The following FRMD3 variants were observed in gnomAD, a reference collection of about 807,000 sequenced individuals.
FRMD3 encodes FERM domain-containing protein 3.
In FRMD3, 33 loss-of-function variants were observed where a neutral mutation model predicts 70.2. That is an observed-to-expected ratio of 0.47 (90% CI 0.36 to 0.63). The LOEUF is 0.63. FRMD3 is among the 20% of genes least tolerant of loss of function. The pLI is 0.00. For missense variants in FRMD3, 632 were observed against 711.4 expected, an observed-to-expected ratio of 0.89 and a Z score of 1.27; for synonymous variants, 279 against 255.9, an observed-to-expected ratio of 1.09 and a Z score of -0.86.
chr9:83,310,771 T>A (rs1203847156), intron 8 of FRMD3, among the ~76,000 whole-genome samples: 1 of 152,230 alleles, frequency 6.6e-6, no homozygotes, highest in African/African-American at 2.4e-5. Context: ...ATTTATTCTA[T>A]TATTTACAGT....
intron 1 of FRMD3, among the ~76,000 whole-genome samples, chr9:83,460,766 T>C (rs1827946963): frequency 6.6e-6 from 1 of 152,072 alleles, no homozygotes; most frequent in Non-Finnish European, 1.5e-5. Flanking sequence ...CCTTCATGGG[T>C]AACTTTATTA....
chr9:83,499,184 G>A (rs180771566), intron 1 of FRMD3, among the ~76,000 whole-genome samples: 3 of 152,292 alleles, frequency 2.0e-5, no homozygotes, highest in Non-Finnish European at 4.4e-5. Flanking sequence ...TCTGGGTGCA[G>A]TACTGTCCAA....
intron 1 of FRMD3, among the ~76,000 whole-genome samples, chr9:83,404,577 G>C (rs1436664473): frequency 6.6e-6 from 1 of 152,032 alleles, no homozygotes; most frequent in Admixed American, 6.6e-5. Context: ...CCCTCTCAGG[G>C]ATGCACTCGT....
chr9:83,407,758 G>A (rs1475351096), intron 1 of FRMD3, among the ~76,000 whole-genome samples: 1 of 151,952 alleles, frequency 6.6e-6, no homozygotes, highest in African/African-American at 2.4e-5. Flanking sequence ...GGAGTCTGAT[G>A]TGGAAGCAAC....
the FRMD3 span, among the ~76,000 whole-genome samples, chr9:83,561,258 T>C: frequency 6.6e-6 from 1 of 152,232 alleles, no homozygotes; most frequent in Non-Finnish European, 1.5e-5. Flanking sequence ...CAAATTCAGC[T>C]TTAAAAGCTT....
At chr9:83,361,092 A>G (rs367967865) in intron 3 of FRMD3, among the ~76,000 whole-genome samples, 4 of 152,262 alleles carry the variant, frequency 2.6e-5, no homozygotes, top group African/African-American at 9.6e-5. Flanking sequence ...CAAAAATCAT[A>G]GCTGCTCTTC....
Position 83,501,877 on chromosome 9 carries a change from T to C in FRMD3, c.147+36208A>G, listed in dbSNP as rs576710473. Among the ~76,000 whole-genome samples, 3 of 152,326 alleles carry C rather than the reference T, an allele frequency of 2.0e-5. No individual in the cohort carries two copies. In the South Asian group the frequency reaches 6.2e-4, roughly 32 times the overall value. ...GTAGAGAGGGAAAAGGAAAGCCAAC[T>C]CTACGTTTAATATCCTCTTTTCTCT... On this transcript the variant is annotated intron_variant, in intron 1 of 13. Transcript: ENST00000304195.
chr9:83,471,617 T>C (rs1828271603), intron 1 of FRMD3, among the ~76,000 whole-genome samples: 2 of 152,140 alleles, frequency 1.3e-5, no homozygotes, highest in African/African-American at 4.8e-5. Context: ...CAGGGACTCA[T>C]CCTCTCCCTG....
chr9:83,481,117 T>C (rs1308633940), intron 1 of FRMD3, among the ~76,000 whole-genome samples: 1 of 152,210 alleles, frequency 6.6e-6, no homozygotes, highest in Non-Finnish European at 1.5e-5. Flanking sequence ...GATGGTACCC[T>C]GGTAGAAGGA....
chr9:83,431,638 T>C (rs1826979704), intron 1 of FRMD3, among the ~76,000 whole-genome samples: 1 of 152,188 alleles, frequency 6.6e-6, no homozygotes, highest in Non-Finnish European at 1.5e-5. Context: ...AGTATCAGCT[T>C]TTGCTGAAGG....
chr9:83,578,146 G>C, the FRMD3 span, among the ~76,000 whole-genome samples: 1 of 151,536 alleles, frequency 6.6e-6, no homozygotes, highest in Admixed American at 6.6e-5. Context: ...AAAAAAATCT[G>C]AACAGACCAA....
At chr9:83,286,073 C>T (rs1834196779) in intron 13 of FRMD3, among the ~76,000 whole-genome samples, 1 of 152,172 alleles carries the variant, frequency 6.6e-6, no homozygotes, top group Non-Finnish European at 1.5e-5. Flanking sequence ...CACGTTTTCC[C>T]AGAACACCAC....
intron 1 of FRMD3, among the ~76,000 whole-genome samples, chr9:83,403,384 C>T (rs912343187): frequency 1.3e-5 from 2 of 152,114 alleles, no homozygotes; most frequent in African/African-American, 4.8e-5. Context: ...CAGAAGGTGG[C>T]TCGAACACGC....
chr9:83,576,782 C>T, the FRMD3 span, among the ~76,000 whole-genome samples: 3 of 152,010 alleles, frequency 2.0e-5, no homozygotes, highest in Non-Finnish European at 4.4e-5. Context: ...TAATAAAGGG[C>T]ACCCAGATTG....
chr9:83,371,939 C>T (rs1556150), intron 3 of FRMD3, among the ~76,000 whole-genome samples: 4 of 151,910 alleles, frequency 2.6e-5, no homozygotes, highest in Admixed American at 2.0e-4. Flanking sequence ...GCTAGTTTGT[C>T]GTCCATGTTC....
At chr9:83,282,218 G>C (rs1042107768) in intron 13 of FRMD3, among the ~76,000 whole-genome samples, 1 of 152,206 alleles carries the variant, frequency 6.6e-6, no homozygotes, top group Non-Finnish European at 1.5e-5. Flanking sequence ...TGCTAGATCA[G>C]AGGCCAGCAA....
chr9:83,243,121 C>A, downstream of FRMD3: 1 of 1,430,640 alleles, frequency 7.0e-7, no homozygotes, highest in Non-Finnish European at 9.6e-7. Flanking sequence ...CGAACTTACC[C>A]ACCCAGTCAC....
intron 1 of FRMD3, among the ~76,000 whole-genome samples, chr9:83,528,256 G>C (rs1329045227): frequency 6.6e-6 from 1 of 151,840 alleles, no homozygotes; most frequent in Non-Finnish European, 1.5e-5. Context: ...CTAGAGCCTA[G>C]CCTTGTCCTT....
At chr9:83,560,799 C>T in the FRMD3 span, among the ~76,000 whole-genome samples, 18 of 152,172 alleles carry the variant, frequency 1.2e-4, 1 homozygote, top group Admixed American at 8.5e-4. Context: ...TCTGTCTTCC[C>T]ATTGGCTAGG....
Sources: allele counts gnomAD v4.1 joint callset (sites outside exome capture counted in the v4.1 genomes callset), GRCh38; gene constraint gnomAD v4.1.1; transcripts MANE v1.5; gene names NCBI Gene and HGNC (gene_info 2026-07-23, HGNC 2026-07-21).